Variants in ZNRF2 observed in about 807,000 individuals in gnomAD.
The protein encoded by ZNRF2 is E3 ubiquitin-protein ligase ZNRF2.
In ZNRF2, 16 loss-of-function variants were observed where a neutral mutation model predicts 20.4. The ratio of observed to expected loss-of-function variants is 0.79; its 90% CI spans 0.53 to 1.19. The LOEUF (loss-of-function observed/expected upper bound fraction) is 1.19. Ranked by LOEUF, ZNRF2 falls within the 50% of genes most tolerant of loss-of-function variation. ZNRF2 has a pLI of 0.00. For missense variants in ZNRF2, 363 were observed against 332.4 expected (o/e 1.09, Z -0.72); for synonymous variants, 178 against 144.9 (o/e 1.23, Z -1.64).
intron 1 of ZNRF2, among the ~76,000 whole-genome samples, chr7:30,312,426 G>A (rs1178944271): frequency 1.3e-5 from 2 of 152,164 alleles, no homozygotes; most frequent in African/African-American, 4.8e-5. Flanking sequence ...AATGTAGTGA[G>A]CCATGCTTTA....
At chr7:30,295,914 A>C (rs1799013053) in intron 1 of ZNRF2, among the ~76,000 whole-genome samples, 2 of 152,178 alleles carry the variant, frequency 1.3e-5, no homozygotes, top group Admixed American at 1.3e-4. Context: ...TTCTCTTCCC[A>C]ACTGCTCAGA....
chr7:30,291,484 T>C (rs542011211), intron 1 of ZNRF2, among the ~76,000 whole-genome samples: 11 of 152,160 alleles, frequency 7.2e-5, no homozygotes, highest in Non-Finnish European at 1.3e-4. Context: ...AAAATATAAC[T>C]GATAGAAGAT....
chr7:30,366,774 C>T lies in ZNRF2; in HGVS notation c.*762C>T, dbSNP rs1451711629. 6.6e-6 allele frequency: 1 copy of T among 152,232 alleles called. No homozygotes were observed. The highest frequency in any genetic ancestry group is 1.5e-5 in the Non-Finnish European group (1 of 67,908). The allele number at this position is 152,232 out of a possible 1,614,324, so 9.4% of individuals were successfully genotyped here. A position where few individuals can be genotyped will look rare whatever the true frequency, so the allele number is the denominator to read the frequency against. On this transcript the variant is annotated 3_prime_UTR_variant, in exon 5 of 5. Coordinates refer to ENST00000323037, the MANE Select transcript of ZNRF2 (RefSeq NM_147128.4). ...TTGCAATTTATTAAATATTCTTATC[C>T]TCTTAAATAAAACTGCTCAACAGTT...
At chr7:30,285,863 C>T in intron 1 of ZNRF2, 37 bp downstream of exon 1, 1 of 1,423,828 alleles carries the variant, frequency 7.0e-7, no homozygotes, top group Non-Finnish European at 9.2e-7. Context: ...GCTCGGTCCT[C>T]CCGCGGCTGC....
intron 1 of ZNRF2, among the ~76,000 whole-genome samples, chr7:30,322,720 T>C (rs1027495211): frequency 3.9e-5 from 6 of 152,138 alleles, no homozygotes; most frequent in Non-Finnish European, 8.8e-5. Flanking sequence ...ACTTCTGATT[T>C]GTGCCTAGCC....
intron 2 of ZNRF2, among the ~76,000 whole-genome samples, chr7:30,342,020 T>G (rs569036977): frequency 6.6e-6 from 1 of 152,250 alleles, no homozygotes; most frequent in African/African-American, 2.4e-5. Flanking sequence ...AAAGTCTGTT[T>G]TATCAGAGAC....
chr7:30,320,563 G>A (rs1166090761), intron 1 of ZNRF2, among the ~76,000 whole-genome samples: 8 of 152,058 alleles, frequency 5.3e-5, no homozygotes, highest in African/African-American at 1.7e-4. Flanking sequence ...TTCAGGGCTA[G>A]CAATATTCAT....
At chr7:30,322,297 A>G (rs927816810) in intron 1 of ZNRF2, among the ~76,000 whole-genome samples, 5 of 152,180 alleles carry the variant, frequency 3.3e-5, no homozygotes, top group Non-Finnish European at 7.3e-5. Context: ...CTTTTTCCCA[A>G]TCCTTATAAA....
Position 30,340,563 on chromosome 7 carries a change from C to A in ZNRF2, c.566-15165C>A, listed in dbSNP as rs368704275. Reference sequence around the variant, plus strand: ...ATTTATTGATTTGTGTATGTTGAACCAGCCTTGCATCCCAGGGATGAAGCC... The same window carrying A: ...ATTTATTGATTTGTGTATGTTGAACAAGCCTTGCATCCCAGGGATGAAGCC... On this transcript the variant is annotated intron_variant, in intron 2 of 4. Transcript: ENST00000323037. Among the ~76,000 whole-genome samples, 27 of 152,222 alleles carry A rather than the reference C, an allele frequency of 1.8e-4. No homozygotes were observed. The East Asian group carries it at 5.0e-3, about 28-fold the overall frequency.
intron 3 of ZNRF2, among the ~76,000 whole-genome samples, 188 bp downstream of exon 3, chr7:30,356,021 GCTA>G (rs1412905671): frequency 2.0e-5 from 3 of 152,034 alleles, no homozygotes; most frequent in Admixed American, 1.3e-4. Flanking sequence ...TATCCAAAAG[GCTA>G]CTATTTTTAA....
At chr7:30,314,108 G>C (rs1021694576) in intron 1 of ZNRF2, among the ~76,000 whole-genome samples, 1 of 152,264 alleles carries the variant, frequency 6.6e-6, no homozygotes, top group Non-Finnish European at 1.5e-5. Flanking sequence ...TTTGATAAGA[G>C]CAATCACGTT....
At chr7:30,354,434 C>T (rs1488489615) in intron 2 of ZNRF2, among the ~76,000 whole-genome samples, 1 of 152,126 alleles carries the variant, frequency 6.6e-6, no homozygotes, top group Non-Finnish European at 1.5e-5. Context: ...GGTATCTTCT[C>T]TTATGTAGAC....
rs1166377589 is a variant in ZNRF2 at position 30,285,598 on chromosome 7, C to T, written c.241C>T (p.Arg81Cys). 8.8e-7 allele frequency: 1 copy of T among 1,139,490 alleles called. No homozygotes were observed. The highest frequency in any genetic ancestry group is 4.1e-5 in the East Asian group (1 of 24,562). 70.6% of individuals were successfully genotyped at this position (1,139,490 alleles called of 1,614,324 possible). ...GGCAGCCCCGGCGGCCCCGCGCAGCCGCTCCCTCGGCGGGGCCGTGGGGAG... is the reference window on the plus strand; with the variant it reads ...GGCAGCCCCGGCGGCCCCGCGCAGCTGCTCCCTCGGCGGGGCCGTGGGGAG... ...APAAPAAPRS[R>C]SLGGAVGSVA... Residue 81 changes from arginine (R) to cysteine (C), a missense_variant, in exon 1 of 5, where the codon CGC becomes TGC. By Grantham distance (180) the Arg-to-Cys change is radical. This residue lies in a region of ZNRF2 where 302 missense variants were observed against 231.5 expected (regional missense o/e 1.30). Transcript: ENST00000323037.
intron 2 of ZNRF2, among the ~76,000 whole-genome samples, chr7:30,329,560 T>G (rs1490002009): frequency 6.6e-6 from 1 of 152,202 alleles, no homozygotes; most frequent in Non-Finnish European, 1.5e-5. Flanking sequence ...ATGCTATAGT[T>G]GTCTTTCTGT....
At chr7:30,338,494 C>G (rs1397968661) in intron 2 of ZNRF2, among the ~76,000 whole-genome samples, 1 of 124,746 alleles carries the variant, frequency 8.0e-6, no homozygotes, top group African/African-American at 3.0e-5. Flanking sequence ...TCTCATTGTT[C>G]AACTCCCACT....
chr7:30,286,572 T>C (rs1158674013), intron 1 of ZNRF2, among the ~76,000 whole-genome samples: 1 of 152,202 alleles, frequency 6.6e-6, no homozygotes, highest in Non-Finnish European at 1.5e-5. Context: ...GAAAAGTCAG[T>C]TGTGAAAAAT....
At chr7:30,338,442 C>A (rs1799749922) in intron 2 of ZNRF2, among the ~76,000 whole-genome samples, 1 of 139,796 alleles carries the variant, frequency 7.2e-6, no homozygotes, top group South Asian at 2.4e-4. Context: ...CACCCCCCAA[C>A]AGGCCCCAGT....
chr7:30,294,832 G>A (rs1364129840), intron 1 of ZNRF2, among the ~76,000 whole-genome samples: 4 of 151,966 alleles, frequency 2.6e-5, no homozygotes, highest in African/African-American at 4.8e-5. Flanking sequence ...AAGCCTTTCA[G>A]TTGTAAAGGA....
intron 1 of ZNRF2, among the ~76,000 whole-genome samples, chr7:30,288,486 A>G (rs1443021012): frequency 6.6e-6 from 1 of 152,224 alleles, no homozygotes; most frequent in African/African-American, 2.4e-5. Context: ...TTAAGAGTCT[A>G]GCAAGTGGAA....
Sources: allele counts gnomAD v4.1 joint callset (sites outside exome capture counted in the v4.1 genomes callset), GRCh38; gene constraint gnomAD v4.1.1; regional missense constraint gnomAD v4.1.1; transcripts MANE v1.5; gene names NCBI Gene and HGNC (gene_info 2026-07-23, HGNC 2026-07-21).